PDZRN3: variants seen among roughly 807,000 people sequenced by gnomAD.
PDZRN3 encodes the protein E3 ubiquitin-protein ligase PDZRN3.
PDZRN3 carries 38 observed loss-of-function variants against 85.7 expected under a neutral mutation model. The observed-to-expected ratio is 0.44, with a 90% CI of 0.34 to 0.58. The LOEUF is 0.58. Among genes scored for constraint, PDZRN3 ranks in the 20% least tolerant of loss-of-function variants. The pLI is 0.01. For synonymous variants in PDZRN3, 759 were observed against 638.0 expected, an observed-to-expected ratio of 1.19 and a Z score of -2.86; for missense variants, 1,629 against 1,506.4, an observed-to-expected ratio of 1.08 and a Z score of -1.35.
intron 3 of PDZRN3, among the ~76,000 whole-genome samples, chr3:73,473,836 T>G (rs903798628): frequency 1.3e-5 from 2 of 152,058 alleles, no homozygotes; most frequent in African/African-American, 4.8e-5. Context: ...GCTGCCCCAG[T>G]CAACATCCTA....
intron 3 of PDZRN3, among the ~76,000 whole-genome samples, chr3:73,601,244 T>C (rs796936501): frequency 1.3e-5 from 2 of 152,202 alleles, no homozygotes; most frequent in South Asian, 2.1e-4. Context: ...AGGAGAAGCC[T>C]GTGGCCACAT....
intron 1 of PDZRN3, among the ~76,000 whole-genome samples, chr3:73,621,341 G>A (rs1241039180): frequency 2.0e-5 from 3 of 152,218 alleles, no homozygotes; most frequent in African/African-American, 7.2e-5. Context: ...AGCTGGTACT[G>A]AAAATCTGAG....
chr3:73,479,204 C>G (rs1703514158), intron 3 of PDZRN3, among the ~76,000 whole-genome samples: 1 of 152,120 alleles, frequency 6.6e-6, no homozygotes, highest in Non-Finnish European at 1.5e-5. Context: ...CAGAATAACC[C>G]AGCAACTTCA....
At chr3:73,614,756 G>C (rs1216379385) in intron 1 of PDZRN3, among the ~76,000 whole-genome samples, 1 of 152,182 alleles carries the variant, frequency 6.6e-6, no homozygotes, top group African/African-American at 2.4e-5. Flanking sequence ...CTGGCTGCCA[G>C]AAATTCTTTA....
At chr3:73,569,500 T>C in intron 3 of PDZRN3, 1 of 1,069,008 alleles carries the variant, frequency 9.4e-7, no homozygotes, top group Non-Finnish European at 1.1e-6. Context: ...TTTCTCCTCT[T>C]CTCTGCAATG....
rs547414344 is a variant in PDZRN3, at chr3:73,484,542, G to T, written c.919-80147C>A. Among the ~76,000 whole-genome samples the T allele has an allele frequency of 2.0e-5, 3 of 152,178 alleles. No individual in the cohort carries two copies. In the South Asian group the frequency reaches 6.2e-4, roughly 32 times the overall value. ...AGAAGAGCTTCATGGAGAGCTGGGG[G>T]AAGAAGATAAACTATAGCACAGATA... On this transcript the variant is annotated intron_variant, in intron 3 of 9. Coordinates refer to ENST00000263666, the MANE Select transcript of PDZRN3 (RefSeq NM_015009.3).
In PDZRN3 at chr3:73,382,880, C is replaced by T. The variant is rs1403205206; in HGVS notation, c.*485G>A. 2 of 155,062 alleles carry T rather than the reference C, an allele frequency of 1.3e-5. No homozygotes were observed. Among genetic ancestry groups the T allele is most frequent in the African/African-American group, 4.8e-5 (2 of 41,446 alleles). The allele number at this position is 155,062 out of a possible 1,614,324, so 9.6% of individuals were successfully genotyped here. On this transcript the variant is annotated 3_prime_UTR_variant, in exon 10 of 10. Coordinates refer to ENST00000263666, the MANE Select transcript of PDZRN3 (RefSeq NM_015009.3). ...TTGGGTGGTTTTGAGTTGAAACCTT[C>T]ACCTAAATGATAATATCTTAACGGT...
intron 3 of PDZRN3, among the ~76,000 whole-genome samples, chr3:73,431,568 A>C (rs562240061): frequency 6.6e-6 from 1 of 152,334 alleles, no homozygotes; most frequent in African/African-American, 2.4e-5. Flanking sequence ...TAATTCCTGC[A>C]AGTGTTTTGT....
intron 3 of PDZRN3, among the ~76,000 whole-genome samples, chr3:73,476,328 A>T (rs147982312): frequency 2.6e-5 from 4 of 152,196 alleles, no homozygotes; most frequent in Non-Finnish European, 4.4e-5. Context: ...GAAGAGAGAT[A>T]GACAGTGAAG....
chr3:73,474,495 A>C lies in PDZRN3; in HGVS notation c.919-70100T>G, dbSNP rs551567584. The C allele has an allele frequency of 1.2e-5, 15 of 1,288,762 alleles. No homozygotes were observed. In the African/African-American group the frequency reaches 2.1e-4, roughly 18 times the overall value. 79.8% of individuals were successfully genotyped at this position (1,288,762 alleles called of 1,614,324 possible). ...ACCATGGGGTTTATGTATTAGAGTAAATTTACTGAACAATAAGATCATCCT... is the reference window on the plus strand; with the variant it reads ...ACCATGGGGTTTATGTATTAGAGTACATTTACTGAACAATAAGATCATCCT... On this transcript the variant is annotated intron_variant, in intron 3 of 9. Transcript: ENST00000263666.
At chr3:73,586,875 C>T (rs1160700425) in intron 3 of PDZRN3, among the ~76,000 whole-genome samples, 2 of 152,206 alleles carry the variant, frequency 1.3e-5, no homozygotes, top group African/African-American at 4.8e-5. Flanking sequence ...AAACGACCAC[C>T]AGTTAATGCC....
chr3:73,430,945 T>G (rs530568043), intron 3 of PDZRN3, among the ~76,000 whole-genome samples: 3 of 152,310 alleles, frequency 2.0e-5, no homozygotes, highest in Non-Finnish European at 2.9e-5. Flanking sequence ...ATGAAGCAAC[T>G]GTTAAATTTC....
intron 3 of PDZRN3, among the ~76,000 whole-genome samples, chr3:73,576,676 CT>C (rs1037486668): frequency 7.9e-5 from 12 of 152,260 alleles, no homozygotes; most frequent in African/African-American, 2.9e-4. Context: ...CAACTTTTGC[CT>C]TTTTCAATTT....
At chr3:73,573,455 T>C (rs1044187997) in intron 3 of PDZRN3, among the ~76,000 whole-genome samples, 1 of 152,170 alleles carries the variant, frequency 6.6e-6, no homozygotes. Flanking sequence ...CAGGTCATAT[T>C]TGTCCCACCA....
At chr3:73,511,300 G>A (rs1432584602) in intron 3 of PDZRN3, among the ~76,000 whole-genome samples, 1 of 152,112 alleles carries the variant, frequency 6.6e-6, no homozygotes, top group African/African-American at 2.4e-5. Flanking sequence ...AAACAGAAAG[G>A]CCCAAGCAGG....
At chr3:73,604,455 G>A (rs1702564247) in intron 2 of PDZRN3, among the ~76,000 whole-genome samples, 1 of 152,190 alleles carries the variant, frequency 6.6e-6, no homozygotes, top group Non-Finnish European at 1.5e-5. Flanking sequence ...CAGCTAAAAA[G>A]TGGTATGGCT....
At chr3:73,460,956 G>A (rs1408261919) in intron 3 of PDZRN3, among the ~76,000 whole-genome samples, 1 of 152,050 alleles carries the variant, frequency 6.6e-6, no homozygotes, top group Non-Finnish European at 1.5e-5. Flanking sequence ...ACCATGCTGG[G>A]CTAATTTTTG....
chr3:73,591,793 A>G (rs2106880773), intron 3 of PDZRN3, among the ~76,000 whole-genome samples: 1 of 152,306 alleles, frequency 6.6e-6, no homozygotes, highest in Admixed American at 6.5e-5. Context: ...TAGAACTAGA[A>G]TTCAAAAGTT....
rs112666353 is a variant in PDZRN3 at position 73,600,339 on chromosome 3, T to A, written c.918+2015A>T. ...CACACACACACACACACACACACACTCTCTCTCTCTCTCTCTCTCTCTCTC... is the reference window on the plus strand; with the variant it reads ...CACACACACACACACACACACACACACTCTCTCTCTCTCTCTCTCTCTCTC... On this transcript the variant is annotated intron_variant, in intron 3 of 9. Coordinates refer to ENST00000263666, the MANE Select transcript of PDZRN3 (RefSeq NM_015009.3). 7.8e-3 allele frequency among the ~76,000 whole-genome samples: 609 copies of A among 77,600 alleles called. 2 individuals carry two copies. The highest frequency in any genetic ancestry group is 0.01 in the African/African-American group (170 of 16,678). 50.9% of individuals were successfully genotyped at this position (77,600 alleles called of 152,430 possible). A position where few individuals can be genotyped will look rare whatever the true frequency, so the allele number is the denominator to read the frequency against.
Sources: gnomAD v4.1 joint callset for allele counts (sites outside exome capture counted in the v4.1 genomes callset) on GRCh38, gnomAD v4.1.1 for gene constraint, MANE v1.5 for transcripts, NCBI Gene and HGNC (gene_info 2026-07-23, HGNC 2026-07-21) for gene names.